Variants in UVRAG observed in about 807,000 individuals in gnomAD.
The protein encoded by UVRAG is UV radiation resistance-associated gene protein.
Under a neutral mutation model 78.0 loss-of-function variants are expected in UVRAG, and 19 were observed. The ratio of observed to expected loss-of-function variants is 0.24; its 90% CI spans 0.17 to 0.36. UVRAG has a LOEUF of 0.36. Ranked by LOEUF, UVRAG falls within the 10% of genes least tolerant of loss-of-function variation. The pLI is 1.00. For missense variants in UVRAG, 740 were observed against 853.8 expected (o/e 0.87, Z 1.66); for synonymous variants, 323 against 324.6 (o/e 1.00, Z 0.05).
chr11:75,888,485 T>G (rs1947143415), intron 4 of UVRAG, among the ~76,000 whole-genome samples: 1 of 152,178 alleles, frequency 6.6e-6, no homozygotes, highest in Non-Finnish European at 1.5e-5. Context: ...AATTAATAAA[T>G]TGTGTTTTCT....
chr11:75,987,777 C>T (rs1035777889), intron 8 of UVRAG, among the ~76,000 whole-genome samples: 1 of 150,710 alleles, frequency 6.6e-6, no homozygotes, highest in African/African-American at 2.4e-5. Flanking sequence ...GCTCTTGTCT[C>T]CCAGACTGGA....
rs1952725631 is a variant in UVRAG, at chr11:76,141,649, A to G, written c.*236A>G. 5.6e-6 allele frequency: 3 copies of G among 539,894 alleles called. No individual in the cohort carries two copies. The highest frequency in any genetic ancestry group is 3.8e-5 in the African/African-American group (2 of 52,836). 33.4% of individuals were successfully genotyped at this position (539,894 alleles called of 1,614,324 possible). A position where few individuals can be genotyped will look rare whatever the true frequency, so the allele number is the denominator to read the frequency against. On this transcript the variant is annotated 3_prime_UTR_variant, in exon 15 of 15. Coordinates refer to ENST00000356136, the MANE Select transcript of UVRAG (RefSeq NM_003369.4). The stretch of plus-strand genomic sequence containing the variant: ...GCCTGATGATTTTAAAGCAAAAATC[A>G]CCCTCTAGTTGAAAGAGCTTACAGC...
At chr11:75,963,821 A>G (rs1003971932) in intron 7 of UVRAG, among the ~76,000 whole-genome samples, 6 of 152,004 alleles carry the variant, frequency 3.9e-5, no homozygotes, top group African/African-American at 1.4e-4. Context: ...CTTATGTTTT[A>G]TAAGTTTTTT....
chr11:76,020,649 CTTTTTTTTT>C (rs35112254), intron 12 of UVRAG, among the ~76,000 whole-genome samples: 3 of 52,250 alleles, frequency 5.7e-5, no homozygotes, highest in Admixed American at 2.1e-4. Flanking sequence ...AAGAAGGAGT[CTTTTTTTTT>C]TTTTTTTTTT....
At chr11:76,117,268 G>A (rs1358287334) in intron 14 of UVRAG, among the ~76,000 whole-genome samples, 1 of 152,080 alleles carries the variant, frequency 6.6e-6, no homozygotes, top group African/African-American at 2.4e-5. Context: ...TGAGAAAATT[G>A]GCAACCTACA....
intron 3 of UVRAG, among the ~76,000 whole-genome samples, chr11:75,869,056 T>C (rs571832965): frequency 2.0e-5 from 3 of 152,216 alleles, no homozygotes; most frequent in African/African-American, 4.8e-5. Flanking sequence ...CTAAGAGATA[T>C]GCTTGTTTTA....
chr11:76,074,034 T>C (rs1951362540), intron 13 of UVRAG, among the ~76,000 whole-genome samples: 1 of 152,072 alleles, frequency 6.6e-6, no homozygotes, highest in African/African-American at 2.4e-5. Flanking sequence ...TTTTGGAAAA[T>C]TTGCTTATTT....
At chr11:75,984,696 A>G (rs1368263496) in intron 8 of UVRAG, among the ~76,000 whole-genome samples, 3 of 152,190 alleles carry the variant, frequency 2.0e-5, no homozygotes, top group South Asian at 2.1e-4. Flanking sequence ...CCAAGACTCA[A>G]ACCGGATTGG....
intron 8 of UVRAG, among the ~76,000 whole-genome samples, chr11:75,991,764 G>T (rs963237066): frequency 5.3e-5 from 8 of 152,186 alleles, no homozygotes; most frequent in African/African-American, 1.9e-4. Context: ...GTTTCTGGTT[G>T]TATATTTGCC....
intron 11 of UVRAG, 88 bp downstream of exon 11, chr11:76,008,955 C>A: frequency 3.9e-6 from 3 of 775,990 alleles, no homozygotes; most frequent in Non-Finnish European, 6.0e-6. Flanking sequence ...GCACTTTATC[C>A]AAAGGAATTT....
intron 6 of UVRAG, among the ~76,000 whole-genome samples, chr11:75,940,236 CTG>C (rs1366169466): frequency 5.3e-5 from 8 of 152,074 alleles, no homozygotes; most frequent in Admixed American, 5.2e-4. Context: ...TGAATCTTAA[CTG>C]TGGTTTCATT....
intron 1 of UVRAG, among the ~76,000 whole-genome samples, chr11:75,845,398 A>C (rs771051788): frequency 7.9e-5 from 12 of 152,200 alleles, no homozygotes; most frequent in South Asian, 2.1e-4. Context: ...CCACATGACT[A>C]TTCACAATAG....
intron 7 of UVRAG, among the ~76,000 whole-genome samples, chr11:75,972,240 T>C (rs1200595024): frequency 6.6e-6 from 1 of 152,176 alleles, no homozygotes; most frequent in East Asian, 1.9e-4. Flanking sequence ...AAGATACCAA[T>C]TTCTTTTTTC....
At chr11:76,134,038 C>T (rs899986675) in intron 14 of UVRAG, among the ~76,000 whole-genome samples, 8 of 151,470 alleles carry the variant, frequency 5.3e-5, no homozygotes, top group African/African-American at 1.9e-4. Context: ...ACGCAACCTC[C>T]ACCTCCTGGG....
chr11:75,885,105 A>G (rs924989433), intron 4 of UVRAG, among the ~76,000 whole-genome samples: 5 of 152,094 alleles, frequency 3.3e-5, no homozygotes, highest in African/African-American at 1.2e-4. Flanking sequence ...ATGCTAATTT[A>G]AATGGTATTT....
intron 6 of UVRAG, among the ~76,000 whole-genome samples, chr11:75,959,864 A>G (rs1184976756): frequency 6.6e-6 from 1 of 152,180 alleles, no homozygotes; most frequent in Non-Finnish European, 1.5e-5. Flanking sequence ...GGCTTGGCCT[A>G]ATTTCATTAT....
At chr11:76,063,305 C>G (rs897125909) in intron 12 of UVRAG, among the ~76,000 whole-genome samples, 1 of 152,086 alleles carries the variant, frequency 6.6e-6, no homozygotes, top group African/African-American at 2.4e-5. Context: ...GAAAGGGTTG[C>G]AAACTGACCT....
chr11:76,042,192 C>A (rs1055177943), intron 12 of UVRAG, among the ~76,000 whole-genome samples: 3 of 152,026 alleles, frequency 2.0e-5, no homozygotes, highest in South Asian at 4.1e-4. Flanking sequence ...AAATATTGAA[C>A]ATCCATAAGA....
intron 13 of UVRAG, among the ~76,000 whole-genome samples, chr11:76,086,769 A>G (rs1951595688): frequency 6.6e-6 from 1 of 152,346 alleles, no homozygotes; most frequent in East Asian, 1.9e-4. Flanking sequence ...TTTTCCCAAA[A>G]AAACAAAGAC....
Sources: gnomAD v4.1 joint callset for allele counts (sites outside exome capture counted in the v4.1 genomes callset) on GRCh38, gnomAD v4.1.1 for gene constraint, MANE v1.5 for transcripts, NCBI Gene and HGNC (gene_info 2026-07-23, HGNC 2026-07-21) for gene names.